The following TRMT6 variants were observed in gnomAD, a reference collection of about 807,000 sequenced individuals.
The protein encoded by TRMT6 is tRNA (adenine(58)-N(1))-methyltransferase non-catalytic subunit TRM6.
Under a neutral mutation model 59.0 loss-of-function variants are expected in TRMT6, and 34 were observed. The ratio of observed to expected loss-of-function variants is 0.58; its 90% CI spans 0.44 to 0.77. TRMT6 has a LOEUF of 0.77. TRMT6 is among the 30% of genes least tolerant of loss of function. The probability of loss-of-function intolerance (pLI) is 0.00; values close to 1 mark genes in which losing one functional copy is unlikely to be tolerated. For missense variants in TRMT6, 575 were observed against 604.5 expected (o/e 0.95, Z 0.51); for synonymous variants, 217 against 210.5 (o/e 1.03, Z -0.27).
chr20:5,949,151 G>T (rs550994067), intron 1 of TRMT6, among the ~76,000 whole-genome samples: 74 of 149,948 alleles, frequency 4.9e-4, no homozygotes, highest in African/African-American at 1.7e-3. Flanking sequence ...TCAGGAGTTC[G>T]AGATCAGCCT....
At position 5,938,332 on chromosome 20, in the gene TRMT6, A is replaced by C. The variant is rs2088624986; in HGVS notation, c.*203T>G. The C allele has an allele frequency of 1.9e-6, 1 of 538,050 alleles. No individual in the cohort carries two copies. The highest frequency in any genetic ancestry group is 3.3e-6 in the Non-Finnish European group (1 of 305,538). The allele number at this position is 538,050 out of a possible 1,614,324, so 33.3% of individuals were successfully genotyped here. On this transcript the variant is annotated 3_prime_UTR_variant, in exon 11 of 11. Transcript: ENST00000203001. ...TGTTAAATGCAGTTGGTCATACTAC[A>C]TACCCCATGGTTGCAGTTTTGACAG...
At chr20:5,944,335 T>C in intron 3 of TRMT6, 82 bp from the exon 4 acceptor site, 1 of 765,226 alleles carries the variant, frequency 1.3e-6, no homozygotes, top group East Asian at 2.9e-5. Context: ...TACCCAAGAA[T>C]GGATCCAATG....
At position 5,938,420 on chromosome 20, in the gene TRMT6, A is replaced by T; in HGVS notation, c.*115T>A. ...ATACTCCTCCTTCCTAGAAACGGGT[A>T]CATAGACATGTTCTTATTCTTGGGA... On this transcript the variant is annotated 3_prime_UTR_variant, in exon 11 of 11. Coordinates refer to ENST00000203001, the MANE Select transcript of TRMT6 (RefSeq NM_015939.5). 2 of 1,090,858 alleles carry T rather than the reference A, an allele frequency of 1.8e-6. No homozygotes were observed. Among genetic ancestry groups the T allele is most frequent in the Non-Finnish European group, 2.7e-6 (2 of 750,956 alleles). The allele number at this position is 1,090,858 out of a possible 1,614,324, so 67.6% of individuals were successfully genotyped here. A position where few individuals can be genotyped will look rare whatever the true frequency, so the allele number is the denominator to read the frequency against.
rs376462550 is a variant in TRMT6 at position 5,950,417 on chromosome 20, G to C, written c.-12C>G. 1.9e-6 allele frequency: 3 copies of C among 1,568,846 alleles called. No individual in the cohort carries two copies. Among genetic ancestry groups the C allele is most frequent in the Admixed American group, 3.5e-5 (2 of 57,408 alleles). ...CCTGAGCCCTCCATGACGCTCAGCC[G>C]GTCGCCGTGCTCCACGGCGTCCCGC... is the stretch of plus-strand genomic sequence containing the variant. On this transcript the variant is annotated 5_prime_UTR_variant, in exon 1 of 11. Coordinates refer to ENST00000203001, the MANE Select transcript of TRMT6 (RefSeq NM_015939.5).
intron 8 of TRMT6, 127 bp downstream of exon 8, chr20:5,941,824 C>G (rs1267089053): frequency 2.4e-6 from 2 of 816,676 alleles, no homozygotes; most frequent in Admixed American, 2.4e-5. Flanking sequence ...TAAAAAAACC[C>G]CCAAGACAAA....
chr20:5,948,262 C>T lies in TRMT6; in HGVS notation c.129-1729G>A, dbSNP rs144010938. ...TGGTTTGACAGGTCACTGCCCCAGT[C>T]GGGAATGTGGGGCCCCGTTAGAGGG... On this transcript the variant is annotated intron_variant, in intron 1 of 10. Transcript: ENST00000203001. Among the ~76,000 whole-genome samples, 883 of 152,224 alleles carry T rather than the reference C, an allele frequency of 5.8e-3. 8 individuals carry two copies. The highest frequency in any genetic ancestry group is 0.019 in the African/African-American group (808 of 41,510).
chr20:5,948,594 C>T (rs1023618644), intron 1 of TRMT6, among the ~76,000 whole-genome samples: 7 of 152,036 alleles, frequency 4.6e-5, no homozygotes, highest in Non-Finnish European at 1.5e-5. Flanking sequence ...AATCCCAGCA[C>T]TTTGGGAGGC....
At chr20:5,938,926 T>C (rs758523838) in intron 10 of TRMT6, among the ~76,000 whole-genome samples, 200 bp from the exon 11 acceptor site, 3 of 145,038 alleles carry the variant, frequency 2.1e-5, no homozygotes, top group Admixed American at 6.9e-5. Context: ...CTCCCTCCCT[T>C]CCTTCCTTTC....
At position 5,944,048 on chromosome 20, in the gene TRMT6, CA is replaced by C. The variant is rs2088683415; in HGVS notation, c.459-18del. 1 of 1,547,462 alleles carries C rather than the reference CA, an allele frequency of 6.5e-7. No individual in the cohort carries two copies. The highest frequency in any genetic ancestry group is 8.7e-7 in the Non-Finnish European group (1 of 1,144,534). On this transcript the variant is annotated intron_variant, in intron 4 of 10. Coordinates refer to ENST00000203001, the MANE Select transcript of TRMT6 (RefSeq NM_015939.5). Reference sequence around the variant, plus strand: ...GCTTCATATCTGGGGGAAGAAAAAACAGAACGCTGATTTAAAAAAATGACTT... The same window carrying C: ...GCTTCATATCTGGGGGAAGAAAAAACGAACGCTGATTTAAAAAAATGACTT...
chr20:5,942,007 CTCT>C lies in TRMT6; in HGVS notation c.1053_1055del (p.Glu352del). On this transcript the variant is annotated inframe_deletion, in exon 8 of 11. Transcript: ENST00000203001. ...CAGCCTCTAAATGTCTTTTCCTCTG[CTCT>C]TCTTGTCTCCTCTGTTTTTCCTGAA... 1 of 1,613,178 alleles carries C rather than the reference CTCT, an allele frequency of 6.2e-7. No individual in the cohort carries two copies. Among genetic ancestry groups the C allele is most frequent in the Non-Finnish European group, 8.5e-7 (1 of 1,180,018 alleles).
intron 1 of TRMT6, among the ~76,000 whole-genome samples, chr20:5,949,150 C>T (rs1161820189): frequency 4.7e-5 from 7 of 149,058 alleles, no homozygotes; most frequent in Non-Finnish European, 8.9e-5. Context: ...GTCAGGAGTT[C>T]GAGATCAGCC....
At chr20:5,941,367 A>T in intron 8 of TRMT6, 22 bp from the exon 9 acceptor site, 1 of 1,571,850 alleles carries the variant, frequency 6.4e-7, no homozygotes, top group Non-Finnish European at 8.8e-7. Context: ...ATGCCAGACA[A>T]ATTATTTCTC....
rs1360678370 is a variant in TRMT6, at chr20:5,941,699, C to T, written c.1112+252G>A. 7.3e-6 allele frequency: 4 copies of T among 550,848 alleles called. No homozygotes were observed. In the Admixed American group the frequency reaches 1.3e-4, roughly 18 times the overall value. The allele number at this position is 550,848 out of a possible 1,614,324, so 34.1% of individuals were successfully genotyped here. On this transcript the variant is annotated intron_variant, in intron 8 of 10. Coordinates refer to ENST00000203001, the MANE Select transcript of TRMT6 (RefSeq NM_015939.5). ...ATTTGAGTGCCCCATCCCCTGCATC[C>T]AGTGGGACCACAGGGCCCATCTTGA...
intron 6 of TRMT6, 39 bp downstream of exon 6, chr20:5,943,520 G>A (rs2088677305): frequency 6.2e-7 from 1 of 1,612,196 alleles, no homozygotes; most frequent in East Asian, 2.2e-5. Flanking sequence ...ACTCACATCA[G>A]GGTGGGGTTT....
At chr20:5,941,024 C>T (rs1555783043) in intron 10 of TRMT6, 29 bp downstream of exon 10, 1 of 1,574,488 alleles carries the variant, frequency 6.4e-7, no homozygotes, top group Non-Finnish European at 8.7e-7. Flanking sequence ...GGGAGGGCAG[C>T]TCTTGGGACT....
chr20:5,940,473 A>C (rs1318921102), intron 10 of TRMT6, among the ~76,000 whole-genome samples: 2 of 152,240 alleles, frequency 1.3e-5, no homozygotes, highest in African/African-American at 4.8e-5. Context: ...TTTGCATTTT[A>C]AATGCCTTTA....
Position 5,938,648 on chromosome 20 carries a change from T to C in TRMT6, c.1381A>G (p.Met461Val). ...GYLLSGFTVAMDNLKADTSLK... is the reference protein window; with the variant it reads ...GYLLSGFTVAVDNLKADTSLK... ...CTGGTGTCTGCTTTAAGGTTGTCCA[T>C]GGCAACGGTGAAGCCGGAGAGAAGA... is the stretch of plus-strand genomic sequence containing the variant. Residue 461 changes from methionine to valine, a missense_variant, in exon 11 of 11, where the codon ATG (methionine) becomes GTG (valine). Physicochemically the swap from Met to Val is conservative, Grantham distance 21. Coordinates refer to ENST00000203001, the MANE Select transcript of TRMT6 (RefSeq NM_015939.5). 6.2e-6 allele frequency: 10 copies of C among 1,614,232 alleles called. No homozygotes were observed. The highest frequency in any genetic ancestry group is 8.5e-6 in the Non-Finnish European group (10 of 1,180,042).
chr20:5,941,606 T>C lies in TRMT6; in HGVS notation c.1113-261A>G, dbSNP rs1600222850. ...GACATTCTTGATTTTTTAAAAAAAA[T>C]CACCTGGAAACAAATCCAACACTGC... On this transcript the variant is annotated intron_variant, in intron 8 of 10. Coordinates refer to ENST00000203001, the MANE Select transcript of TRMT6 (RefSeq NM_015939.5). 42 of 550,700 alleles carry C rather than the reference T, an allele frequency of 7.6e-5. No individual in the cohort carries two copies. In the East Asian group the frequency reaches 1.3e-3, roughly 17 times the overall value. 34.1% of individuals were successfully genotyped at this position (550,700 alleles called of 1,614,324 possible).
intron 1 of TRMT6, among the ~76,000 whole-genome samples, chr20:5,948,371 C>G (rs1352324540): frequency 6.6e-6 from 1 of 152,116 alleles, no homozygotes; most frequent in Admixed American, 6.5e-5. Flanking sequence ...TTTGCCCAAT[C>G]AGATGAGTGT....
Sources: allele counts gnomAD v4.1 joint callset (sites outside exome capture counted in the v4.1 genomes callset), GRCh38; gene constraint gnomAD v4.1.1; transcripts MANE v1.5; gene names NCBI Gene and HGNC (gene_info 2026-07-23, HGNC 2026-07-21).